RASGRP3: variants seen among roughly 807,000 people sequenced by gnomAD.
The protein encoded by RASGRP3 is RAS guanyl releasing protein 3.
A neutral mutation model predicts 82.7 loss-of-function variants in RASGRP3; 54 were observed. The ratio of observed to expected loss-of-function variants is 0.65; its 90% confidence interval spans 0.52 to 0.82. The LOEUF (loss-of-function observed/expected upper bound fraction) is 0.82, where lower values mean the gene tolerates loss of function less well. RASGRP3 is among the 40% of genes least tolerant of loss of function. The probability of loss-of-function intolerance (pLI) is 0.00; values close to 1 mark genes in which losing one functional copy is unlikely to be tolerated. For synonymous variants in RASGRP3, 309 were observed against 300.5 expected (o/e 1.03, Z -0.29); for missense variants, 861 against 828.9 (o/e 1.04, Z -0.48).
intron 14 of RASGRP3, 160 bp from the exon 15 acceptor site, chr2:33,555,371 G>A (rs1675833456): frequency 1.9e-6 from 1 of 521,840 alleles, no homozygotes; most frequent in Admixed American, 3.4e-5. Context: ...AAGGGGCCGG[G>A]AGAGGGTTCT....
chr2:33,472,881 A>AAAAT (rs1436816597), upstream of RASGRP3, among the ~76,000 whole-genome samples: 38 of 151,438 alleles, frequency 2.5e-4, no homozygotes, highest in African/African-American at 8.7e-4. Context: ...AAAAAAAAAA[A>AAAAT]AAAAAAAGCA....
At chr2:33,455,382 A>T (rs1465725358) in intron 2 of RASGRP3, among the ~76,000 whole-genome samples, 1 of 152,252 alleles carries the variant, frequency 6.6e-6, no homozygotes, top group Non-Finnish European at 1.5e-5. Context: ...AAGAAGCCAC[A>T]TCTTTTGATT....
intron 2 of RASGRP3, among the ~76,000 whole-genome samples, chr2:33,456,879 C>G (rs1250149960): frequency 6.6e-6 from 1 of 151,250 alleles, no homozygotes; most frequent in Non-Finnish European, 1.5e-5. Flanking sequence ...TCAAAGTCTA[C>G]CAGGCATTGT....
chr2:33,534,052 G>A (rs183788968), intron 10 of RASGRP3: 30 of 365,226 alleles, frequency 8.2e-5, no homozygotes, highest in African/African-American at 3.1e-4. Flanking sequence ...TCCCTCATCC[G>A]TGACTCAGCA....
Position 33,558,812 on chromosome 2 carries a change from A to C in RASGRP3, c.1846A>C (p.Thr616Pro). The change falls in exon 17 of 18, where the codon ACT becomes CCT. Residue 616 changes from threonine (T) to proline (P), a missense_variant. Thr to Pro is a conservative substitution (Grantham distance 38). Transcript: ENST00000403687. ...QRATTSQATQ[T>P]EPVWSEAGWG... ...GGCCACCACCAGCCAGGCCACCCAGACTGAACCTGTCTGGTCAGAGGCTGG... is the reference window on the plus strand; with the variant it reads ...GGCCACCACCAGCCAGGCCACCCAGCCTGAACCTGTCTGGTCAGAGGCTGG... The C allele has an allele frequency of 6.2e-7, 1 of 1,614,018 alleles. No homozygotes were observed. Among genetic ancestry groups the C allele is most frequent in the Non-Finnish European group, 8.5e-7 (1 of 1,179,892 alleles).
chr2:33,542,386 A>G (rs1490795947), intron 12 of RASGRP3, among the ~76,000 whole-genome samples: 1 of 146,954 alleles, frequency 6.8e-6, no homozygotes, highest in Non-Finnish European at 1.5e-5. Context: ...ATTACTCTTC[A>G]TTTAAAATAA....
At position 33,515,219 on chromosome 2, in the gene RASGRP3, T is replaced by A. The variant is rs763933440; in HGVS notation, c.70+13T>A. The A allele has an allele frequency of 6.2e-6, 10 of 1,612,802 alleles. No individual in the cohort carries two copies. Among genetic ancestry groups the A allele is most frequent in the Non-Finnish European group, 8.5e-6 (10 of 1,178,912 alleles). On this transcript the variant is annotated intron_variant, in intron 3 of 17. Transcript: ENST00000403687. ...ATTGAGATGTTTGGTACGAGCCTTT[T>A]CTCCTTTCATCTCTTTTGGATCTCT...
intron 1 of RASGRP3, among the ~76,000 whole-genome samples, chr2:33,509,338 G>T (rs1367186273): frequency 1.3e-5 from 2 of 151,940 alleles, no homozygotes; most frequent in Non-Finnish European, 2.9e-5. Flanking sequence ...GGAGGCGGAG[G>T]TTGCAGTGAG....
At chr2:33,443,678 C>T (rs1014763385) in intron 1 of RASGRP3, among the ~76,000 whole-genome samples, 1 of 146,524 alleles carries the variant, frequency 6.8e-6, no homozygotes. Context: ...CCCAGGTGAC[C>T]AGCCTGGGCA....
chr2:33,486,155 CTTTT>C (rs1668354078), intron 1 of RASGRP3, among the ~76,000 whole-genome samples: 1 of 127,300 alleles, frequency 7.9e-6, no homozygotes, highest in Admixed American at 9.6e-5. Context: ...TTCTTTCTTT[CTTTT>C]ATTTATTTTT....
intron 1 of RASGRP3, among the ~76,000 whole-genome samples, chr2:33,495,146 G>A (rs1328821933): frequency 1.3e-5 from 2 of 152,212 alleles, no homozygotes; most frequent in African/African-American, 2.4e-5. Flanking sequence ...GTGTCAGTAG[G>A]TAGCCCAGTG....
In RASGRP3 at chr2:33,503,371, C is replaced by T. The variant is rs149133803; in HGVS notation, c.-260-8339C>T. Among the ~76,000 whole-genome samples the T allele has an allele frequency of 7.9e-5, 12 of 152,188 alleles. No homozygotes were observed. The East Asian group carries it at 2.3e-3, about 29-fold the overall frequency. On this transcript the variant is annotated intron_variant, in intron 1 of 17. Transcript: ENST00000403687. ...TTTTTGTAGGTATGGACTGTGATTT[C>T]ATTTCAGGAGTAAGGTGAAATTAGT...
At chr2:33,546,801 C>T (rs746003347) in intron 13 of RASGRP3, among the ~76,000 whole-genome samples, 6 of 152,126 alleles carry the variant, frequency 3.9e-5, no homozygotes, top group Non-Finnish European at 5.9e-5. Flanking sequence ...GGCACGGTGG[C>T]TCATGCCTGT....
At chr2:33,453,648 C>G (rs900793212) in intron 2 of RASGRP3, among the ~76,000 whole-genome samples, 7 of 152,166 alleles carry the variant, frequency 4.6e-5, no homozygotes, top group Non-Finnish European at 1.0e-4. Flanking sequence ...TACGTCATCA[C>G]TTTTCATGTA....
At chr2:33,561,080 T>A (rs972569880) in intron 17 of RASGRP3, among the ~76,000 whole-genome samples, 3 of 151,960 alleles carry the variant, frequency 2.0e-5, no homozygotes, top group Non-Finnish European at 4.4e-5. Context: ...TTTTTTTTTT[T>A]CTTTGAGACG....
chr2:33,470,878 A>G (rs1340121138), intron 2 of RASGRP3, among the ~76,000 whole-genome samples: 1 of 152,154 alleles, frequency 6.6e-6, no homozygotes, highest in Non-Finnish European at 1.5e-5. Flanking sequence ...AATATTACTC[A>G]ATCTGCAGGT....
chr2:33,525,689 C>G (rs1471117546), intron 9 of RASGRP3, among the ~76,000 whole-genome samples: 1 of 104,528 alleles, frequency 9.6e-6, no homozygotes, highest in African/African-American at 3.9e-5. Flanking sequence ...ATAGCTAGAT[C>G]CTGTCTCTAC....
chr2:33,530,703 G>A (rs1327156643), intron 10 of RASGRP3, among the ~76,000 whole-genome samples: 1 of 152,068 alleles, frequency 6.6e-6, no homozygotes, highest in Non-Finnish European at 1.5e-5. Context: ...ATGATGTGCA[G>A]TAAAGGAAGT....
At chr2:33,474,969 A>G (rs1003988707), upstream of RASGRP3, among the ~76,000 whole-genome samples, 6 of 152,232 alleles carry the variant, frequency 3.9e-5, no homozygotes, top group Admixed American at 1.3e-4. Context: ...AACCCAGTCA[A>G]TGGTAAACAA....
Sources: allele counts gnomAD v4.1 joint callset (sites outside exome capture counted in the v4.1 genomes callset), GRCh38; gene constraint gnomAD v4.1.1; transcripts MANE v1.5; gene names NCBI Gene and HGNC (gene_info 2026-07-23, HGNC 2026-07-21).